NXN: variants seen among roughly 807,000 people sequenced by gnomAD.
NXN encodes nucleoredoxin.
A neutral mutation model predicts 48.6 loss-of-function variants in NXN; 16 were observed. That is an observed-to-expected ratio of 0.33 (90% confidence interval 0.22 to 0.50). The LOEUF is 0.50. NXN is among the 20% of genes least tolerant of loss of function. The pLI is 0.98. For synonymous variants in NXN, 281 were observed against 269.6 expected, an observed-to-expected ratio of 1.04 and a Z score of -0.41; for missense variants, 492 against 605.5, an observed-to-expected ratio of 0.81 and a Z score of 1.97.
At chr17:822,503 A>C (rs529393229) in intron 3 of NXN, 46 bp from the exon 4 acceptor site, 86 of 1,415,528 alleles carry the variant, frequency 6.1e-5, no homozygotes, top group East Asian at 2.1e-4. Flanking sequence ...CTGCTTCTCC[A>C]CCTCCCAGCC....
At chr17:806,921 TAC>T (rs5818767) in intron 5 of NXN, among the ~76,000 whole-genome samples, 32,751 of 147,788 alleles carry the variant, frequency 0.22, 3,845 homozygotes, top group East Asian at 0.38. Flanking sequence ...CACACTCACA[TAC>T]ACACACACAC....
rs1051368308 is a variant in NXN at position 804,019 on chromosome 17, T to C, written c.1001-213A>G. On this transcript the variant is annotated intron_variant, in intron 6 of 7. Transcript: ENST00000336868. ...AGCAGCAAAGCTCACAGTGCTCTCCTGCACCGGGCTCCCCAGGAGGAACCT... is the reference window on the plus strand; with the variant it reads ...AGCAGCAAAGCTCACAGTGCTCTCCCGCACCGGGCTCCCCAGGAGGAACCT... The C allele has an allele frequency of 3.7e-5, 22 of 591,464 alleles. No individual in the cohort carries two copies. The Middle Eastern group carries it at 1.9e-3, about 50-fold the overall frequency. 36.6% of individuals were successfully genotyped at this position (591,464 alleles called of 1,614,324 possible).
chr17:950,767 C>G (rs927839421), intron 1 of NXN, among the ~76,000 whole-genome samples: 1 of 151,994 alleles, frequency 6.6e-6, no homozygotes, highest in Non-Finnish European at 1.5e-5. Context: ...CAGAGACAAC[C>G]CAGTGGGACA....
rs61293395 is a variant in NXN at position 812,760 on chromosome 17, ATG to A, written c.820+6677_820+6678del. ...AGGGTGCGTGAGTGAGAGTGTGCAT[ATG>A]TGTGAGTGTAGGTGTGTGCATGTGT... On this transcript the variant is annotated intron_variant, in intron 5 of 7. Transcript: ENST00000336868. 2.6e-3 allele frequency among the ~76,000 whole-genome samples: 359 copies of A among 136,686 alleles called. 5 individuals are homozygous for A. The highest frequency in any genetic ancestry group is 0.023 in the East Asian group (107 of 4,626). 89.7% of individuals were successfully genotyped at this position (136,686 alleles called of 152,430 possible).
rs1007256288 is a variant in NXN, at chr17:956,849, G to A, written c.360+22470C>T. ...CCCAAGATCTCAAAGCTGGAGAGCGGGAAAGATGGATCAGAACCAGGTCAT... is the reference window on the plus strand; with the variant it reads ...CCCAAGATCTCAAAGCTGGAGAGCGAGAAAGATGGATCAGAACCAGGTCAT... On this transcript the variant is annotated intron_variant, in intron 1 of 7. Transcript: ENST00000336868. The surrounding 1 kb of genome is among the most constrained non-coding windows in gnomAD (Gnocchi z 4.1). 2.0e-5 allele frequency among the ~76,000 whole-genome samples: 3 copies of A among 152,180 alleles called. No individual in the cohort carries two copies. Among genetic ancestry groups the A allele is most frequent in the African/African-American group, 7.2e-5 (3 of 41,440 alleles).
At chr17:807,897 C>T (rs888958434) in intron 5 of NXN, among the ~76,000 whole-genome samples, 6 of 152,152 alleles carry the variant, frequency 3.9e-5, no homozygotes, top group Non-Finnish European at 1.5e-5. Flanking sequence ...CTAGGCACGG[C>T]ACAGATGGCA....
intron 5 of NXN, among the ~76,000 whole-genome samples, chr17:807,923 C>G (rs1157291231): frequency 2.0e-5 from 3 of 152,218 alleles, no homozygotes; most frequent in Non-Finnish European, 4.4e-5. Flanking sequence ...TAATCCTTAT[C>G]ACAGATGGGG....
intron 1 of NXN, among the ~76,000 whole-genome samples, chr17:974,075 C>T (rs573604611): frequency 3.1e-4 from 47 of 151,840 alleles, no homozygotes; most frequent in Non-Finnish European, 5.9e-4. Context: ...TCATGCCGGG[C>T]GCGGTGGCTC....
At chr17:900,512 T>C (rs952445168) in intron 1 of NXN, among the ~76,000 whole-genome samples, 3 of 152,056 alleles carry the variant, frequency 2.0e-5, no homozygotes, top group Non-Finnish European at 4.4e-5. Flanking sequence ...GGAAATCTCT[T>C]TCCTCCCAGG....
At chr17:885,769 C>A (rs2144850483) in intron 1 of NXN, among the ~76,000 whole-genome samples, 1 of 147,998 alleles carries the variant, frequency 6.8e-6, no homozygotes, top group East Asian at 2.1e-4. Context: ...CAAGCTCTGC[C>A]TCCCGGGTTC....
At chr17:841,783 G>A (rs2085199253) in intron 1 of NXN, among the ~76,000 whole-genome samples, 1 of 152,176 alleles carries the variant, frequency 6.6e-6, no homozygotes, top group South Asian at 2.1e-4. Flanking sequence ...TGCGGCAAAG[G>A]CACAAACTGG....
chr17:906,990 A>G (rs2068587461), intron 1 of NXN, among the ~76,000 whole-genome samples: 1 of 152,158 alleles, frequency 6.6e-6, no homozygotes. Flanking sequence ...AACATTTTGC[A>G]CACACCTGTC....
intron 1 of NXN, among the ~76,000 whole-genome samples, chr17:948,335 T>C (rs1465966940): frequency 6.7e-6 from 1 of 149,628 alleles, no homozygotes; most frequent in African/African-American, 2.5e-5. Context: ...AATTAAACAA[T>C]AAAGAAAGAA....
chr17:977,588 C>A (rs1445673153), intron 1 of NXN, among the ~76,000 whole-genome samples: 1 of 152,180 alleles, frequency 6.6e-6, no homozygotes, highest in African/African-American at 2.4e-5. Context: ...GTAAAAAACA[C>A]AACAATAGGC....
At chr17:912,671 A>G (rs550727714) in intron 1 of NXN, among the ~76,000 whole-genome samples, 78 of 152,286 alleles carry the variant, frequency 5.1e-4, no homozygotes, top group African/African-American at 1.8e-3. Context: ...GCCAGTGGGC[A>G]GTGGCTCACA....
Position 803,936 on chromosome 17 carries a change from T to C in NXN, c.1001-130A>G, listed in dbSNP as rs549044881. The C allele has an allele frequency of 7.7e-6, 9 of 1,172,976 alleles. No individual in the cohort carries two copies. In the African/African-American group the frequency reaches 1.4e-4, roughly 18 times the overall value. The allele number at this position is 1,172,976 out of a possible 1,614,324, so 72.7% of individuals were successfully genotyped here. ...AGCGGCCCCTGAACGGAAATGAACTTCCCCTTGGATGCAGGTCTTGCTCCC... is the reference window on the plus strand; with the variant it reads ...AGCGGCCCCTGAACGGAAATGAACTCCCCCTTGGATGCAGGTCTTGCTCCC... On this transcript the variant is annotated intron_variant, in intron 6 of 7. Coordinates refer to ENST00000336868, the MANE Select transcript of NXN (RefSeq NM_022463.5).
chr17:812,909 T>G (rs1912226213), intron 5 of NXN, among the ~76,000 whole-genome samples: 1 of 138,938 alleles, frequency 7.2e-6, no homozygotes, highest in Non-Finnish European at 1.6e-5. Context: ...TGTGCATGTG[T>G]GACTGTAGGT....
At chr17:879,085 A>G (rs1485790775) in intron 1 of NXN, among the ~76,000 whole-genome samples, 1 of 151,830 alleles carries the variant, frequency 6.6e-6, no homozygotes, top group Non-Finnish European at 1.5e-5. Flanking sequence ...GAATCACTTG[A>G]ACCCGGGAGG....
chr17:812,142 C>T (rs7224117), intron 5 of NXN, among the ~76,000 whole-genome samples: 104,035 of 149,214 alleles, frequency 0.7, 37,933 homozygotes, highest in African/African-American at 0.91. Flanking sequence ...TTAGCCAGGA[C>T]GGTCTCGATC....
Sources: gnomAD v4.1 joint callset for allele counts (sites outside exome capture counted in the v4.1 genomes callset) on GRCh38, gnomAD v4.1.1 for gene constraint, Gnocchi (gnomAD v3.1) non-coding constraint, MANE v1.5 for transcripts, NCBI Gene and HGNC (gene_info 2026-07-23, HGNC 2026-07-21) for gene names.